KIAA2013: variants seen among roughly 807,000 people sequenced by gnomAD.
KIAA2013 encodes KIAA2013.
In KIAA2013, 20 loss-of-function variants were observed where a neutral mutation model predicts 39.9. The ratio of observed to expected loss-of-function variants is 0.50; its 90% CI spans 0.35 to 0.73. The LOEUF (loss-of-function observed/expected upper bound fraction) is 0.73, where lower values mean the gene tolerates loss of function less well. KIAA2013 is among the 30% of genes least tolerant of loss of function. The pLI is 0.01. For missense variants in KIAA2013, 587 were observed against 856.1 expected (o/e 0.69, Z 3.92); for synonymous variants, 336 against 416.6 (o/e 0.81, Z 2.35).
rs1437157976 is a variant in KIAA2013 at position 11,926,107 on chromosome 1, G to A, written c.131C>T (p.Ala44Val). 5 of 1,407,688 alleles carry A rather than the reference G, an allele frequency of 3.6e-6. No homozygotes were observed. Among genetic ancestry groups the A allele is most frequent in the East Asian group, 3.4e-5 (1 of 29,430 alleles). 87.2% of individuals were successfully genotyped at this position (1,407,688 alleles called of 1,614,324 possible). The change falls in exon 1 of 3, where the codon GCG (alanine) becomes GTG (valine). Residue 44 changes from alanine to valine, a missense_variant. Coordinates refer to ENST00000376572, the MANE Select transcript of KIAA2013 (RefSeq NM_138346.3). ...WFGGSGARRA[A>V]GGLHLLPWSR... Reference sequence around the variant, plus strand: ...CCAGGGCAGCAGGTGCAGGCCGCCCGCCGCCCGCCGCGCGCCGGACCCCCC... The same window carrying A: ...CCAGGGCAGCAGGTGCAGGCCGCCCACCGCCCGCCGCGCGCCGGACCCCCC...
rs1645482493 is a variant in KIAA2013, at chr1:11,922,800, C to T, written c.1723G>A (p.Ala575Thr). Residue 575 changes from alanine (A) to threonine (T), a missense_variant, in exon 2 of 3, where the codon GCC becomes ACC. Physicochemically the swap from Ala to Thr is moderately conservative, Grantham distance 58 (BLOSUM62 0). Transcript: ENST00000376572. ...ATGTGCTCATCATGGGCCAGGATGG[C>T]CTTGAGGTGCAGCGTGTGCCGCAGG... ...QDLRHTLHLK[A>T]ILAHDEHMAQ... is the part of the protein sequence containing the mutation. The T allele has an allele frequency of 6.2e-7, 1 of 1,613,314 alleles. No homozygotes were observed. Among genetic ancestry groups the T allele is most frequent in the South Asian group, 1.1e-5 (1 of 90,990 alleles).
In KIAA2013 at chr1:11,926,000, C is replaced by G; in HGVS notation, c.238G>C (p.Gly80Arg). Residue 80 changes from glycine (G) to arginine (R), a missense_variant, in exon 1 of 3, where the codon GGT becomes CGT. Coordinates refer to ENST00000376572, the MANE Select transcript of KIAA2013 (RefSeq NM_138346.3). The surrounding 1 kb of genome is among the most constrained non-coding windows in gnomAD (Gnocchi z 5.2). ...CCAGGACCCAGCGGTACCACCTCACCGCGCTCCCGCAGGCCGCGCCAGGCG... is the reference window on the plus strand; with the variant it reads ...CCAGGACCCAGCGGTACCACCTCACGGCGCTCCCGCAGGCCGCGCCAGGCG... ...TRAWRGLRER[G>R]EVVPLGPGVP... The G allele has an allele frequency of 6.6e-7, 1 of 1,513,280 alleles. No individual in the cohort carries two copies. The highest frequency in any genetic ancestry group is 8.8e-7 in the Non-Finnish European group (1 of 1,137,892). 93.7% of individuals were successfully genotyped at this position (1,513,280 alleles called of 1,614,324 possible). A position where few individuals can be genotyped will look rare whatever the true frequency, so the allele number is the denominator to read the frequency against.
intron 2 of KIAA2013, chr1:11,922,045 G>A (rs35584250): frequency 0.052 from 7,874 of 151,428 alleles, 219 homozygotes; most frequent in African/African-American, 0.066. Flanking sequence ...ACAAGTCCTC[G>A]TTATCCTGCC....
chr1:11,924,357 C>G (rs1241706546), intron 1 of KIAA2013, among the ~76,000 whole-genome samples: 1 of 410 alleles, frequency 2.4e-3, no homozygotes, highest in Non-Finnish European at 5.4e-3. Flanking sequence ...TCCCAAAGTG[C>G]TGGGATTACA....
chr1:11,925,691 G>A lies in KIAA2013; in HGVS notation c.547C>T (p.Arg183Cys), dbSNP rs1381464284. ...TCCTCTTGCAGCAGCACGCAGTCGCGGCCGGACCCCGCGGCAAGGCCAGAG... is the reference window on the plus strand; with the variant it reads ...TCCTCTTGCAGCAGCACGCAGTCGCAGCCGGACCCCGCGGCAAGGCCAGAG... Reference protein sequence around the residue: ...SVSGLAAGSGRDCVLLQEDFL... With the variant: ...SVSGLAAGSGCDCVLLQEDFL... Residue 183 changes from arginine to cysteine, a missense_variant, in exon 1 of 3, where the codon CGC (arginine) becomes TGC (cysteine). Coordinates refer to ENST00000376572, the MANE Select transcript of KIAA2013 (RefSeq NM_138346.3). This position sits in a 1 kb window ranked among gnomAD's most constrained non-coding sequence, Gnocchi z 5.2. The A allele has an allele frequency of 2.5e-6, 4 of 1,595,216 alleles. No individual in the cohort carries two copies. The highest frequency in any genetic ancestry group is 1.1e-5 in the South Asian group (1 of 88,940).
chr1:11,922,169 T>A (rs1336253214), intron 2 of KIAA2013: 2 of 194,474 alleles, frequency 1.0e-5, no homozygotes, highest in African/African-American at 4.7e-5. Context: ...TTTTTTTTTT[T>A]TTTTTACTTT....
At chr1:11,922,608 G>A (rs766720574) in intron 2 of KIAA2013, 28 bp downstream of exon 2, 13 of 1,609,806 alleles carry the variant, frequency 8.1e-6, no homozygotes, top group Admixed American at 5.1e-5. Flanking sequence ...CCAAGGCCTC[G>A]GGTTTCGACC....
Position 11,926,338 on chromosome 1 carries a change from G to A in KIAA2013, c.-101C>T, listed in dbSNP as rs1275845353. The A allele has an allele frequency of 6.2e-6, 3 of 481,622 alleles. No individual in the cohort carries two copies. The highest frequency in any genetic ancestry group is 2.1e-5 in the African/African-American group (1 of 47,402). 29.8% of individuals were successfully genotyped at this position (481,622 alleles called of 1,614,324 possible). A position where few individuals can be genotyped will look rare whatever the true frequency, so the allele number is the denominator to read the frequency against. On this transcript the variant is annotated 5_prime_UTR_variant, in exon 1 of 3. Transcript: ENST00000376572. The stretch of plus-strand genomic sequence containing the variant: ...CGCCTCACTGCCCGGCCCGGACCGC[G>A]GCGCCCACCCCGGCCCCCGCCGCAA...
At chr1:11,922,407 C>T in intron 2 of KIAA2013, 2 of 1,443,460 alleles carry the variant, frequency 1.4e-6, no homozygotes, top group Non-Finnish European at 1.8e-6. Context: ...GGGAGGGCTG[C>T]CCTGGAAAGC....
rs1305905207 is a variant in KIAA2013 at position 11,925,125 on chromosome 1, C to A, written c.1033+80G>T. ...AACGCCAAGCCCAAGTTTCAACCACCCCACCATCACCTTCAGTGTCACCTC... is the reference window on the plus strand; with the variant it reads ...AACGCCAAGCCCAAGTTTCAACCACACCACCATCACCTTCAGTGTCACCTC... On this transcript the variant is annotated intron_variant, in intron 1 of 2. Coordinates refer to ENST00000376572, the MANE Select transcript of KIAA2013 (RefSeq NM_138346.3). This position sits in a 1 kb window ranked among gnomAD's most constrained non-coding sequence, Gnocchi z 5.2. 3.7e-6 allele frequency: 5 copies of A among 1,347,704 alleles called. No individual in the cohort carries two copies. The allele number at this position is 1,347,704 out of a possible 1,614,324, so 83.5% of individuals were successfully genotyped here. A position where few individuals can be genotyped will look rare whatever the true frequency, so the allele number is the denominator to read the frequency against.
chr1:11,925,245 A>C lies in KIAA2013; in HGVS notation c.993T>G (p.Leu331=). 1 of 1,604,804 alleles carries C rather than the reference A, an allele frequency of 6.2e-7. No homozygotes were observed. Among genetic ancestry groups the C allele is most frequent in the Non-Finnish European group, 8.5e-7 (1 of 1,174,870 alleles). The change falls in exon 1 of 3, where the codon CTT becomes CTG. Residue 331 remains leucine (L), a synonymous_variant. Transcript: ENST00000376572. This position sits in a 1 kb window ranked among gnomAD's most constrained non-coding sequence, Gnocchi z 5.2. The stretch of plus-strand genomic sequence containing the variant: ...GAGCCCAGAGGAGCTGGTGGTCTTG[A>C]AGCAGCTCCGCCGCTGGCATGTCCA... ...ELLDMPAAEL[L]QDHQLLWAQL... is the part of the protein sequence containing the mutation.
chr1:11,925,801 T>G lies in KIAA2013; in HGVS notation c.437A>C (p.Glu146Ala), dbSNP rs762850739. The change falls in exon 1 of 3, where the codon GAG becomes GCG. Residue 146 changes from glutamate (E) to alanine (A), a missense_variant. By Grantham distance (107) the Glu-to-Ala change is moderately radical (BLOSUM62 -1). Transcript: ENST00000376572. This position sits in a 1 kb window ranked among gnomAD's most constrained non-coding sequence, Gnocchi z 5.2. ...GCAACGCACGCGGCGCAGAAGCCCCTCCCGCAGCAGCAGCACCGCCTCTCC... is the reference window on the plus strand; with the variant it reads ...GCAACGCACGCGGCGCAGAAGCCCCGCCCGCAGCAGCAGCACCGCCTCTCC... ...EAGEAVLLLR[E>A]GLLRRVRCLQ... is the part of the protein sequence containing the mutation. 4.0e-5 allele frequency: 62 copies of G among 1,542,778 alleles called. No homozygotes were observed. In the South Asian group the frequency reaches 6.2e-4, roughly 15 times the overall value.
chr1:11,925,783 A>T lies in KIAA2013; in HGVS notation c.455T>A (p.Val152Glu). The T allele has an allele frequency of 1.3e-6, 2 of 1,544,530 alleles. No homozygotes were observed. Among genetic ancestry groups the T allele is most frequent in the Non-Finnish European group, 1.7e-6 (2 of 1,152,894 alleles). The part of the protein sequence containing the change: ...LLLREGLLRR[V>E]RCLQLGSPGP... Reference sequence around the variant, plus strand: ...TGGGGACCCCAGCTGCAGGCAACGCACGCGGCGCAGAAGCCCCTCCCGCAG... The same window carrying T: ...TGGGGACCCCAGCTGCAGGCAACGCTCGCGGCGCAGAAGCCCCTCCCGCAG... Residue 152 changes from valine (V) to glutamate (E), a missense_variant, in exon 1 of 3, where the codon GTG (valine) becomes GAG (glutamate). By Grantham distance (121) the Val-to-Glu change is moderately radical. Transcript: ENST00000376572. The surrounding 1 kb of genome is among the most constrained non-coding windows in gnomAD (Gnocchi z 5.2).
intron 2 of KIAA2013, among the ~76,000 whole-genome samples, chr1:11,921,829 C>T (rs1272913985): frequency 6.6e-6 from 1 of 152,030 alleles, no homozygotes; most frequent in African/African-American, 2.4e-5. Flanking sequence ...GGATTATAGG[C>T]ATGAGCCACT....
In KIAA2013 at chr1:11,925,349, G is replaced by T. The variant is rs756105411; in HGVS notation, c.889C>A (p.Pro297Thr). 1 of 1,613,944 alleles carries T rather than the reference G, an allele frequency of 6.2e-7. No individual in the cohort carries two copies. The highest frequency in any genetic ancestry group is 1.3e-5 in the African/African-American group (1 of 75,034). The change falls in exon 1 of 3, where the codon CCC becomes ACC. Residue 297 changes from proline to threonine, a missense_variant. By Grantham distance (38) the Pro-to-Thr change is conservative (BLOSUM62 -1). Coordinates refer to ENST00000376572, the MANE Select transcript of KIAA2013 (RefSeq NM_138346.3). The surrounding 1 kb of genome is among the most constrained non-coding windows in gnomAD (Gnocchi z 5.2). Reference protein sequence around the residue: ...WVVHVSGPINPQVLKSKAAKE... With the variant: ...WVVHVSGPINTQVLKSKAAKE... The stretch of plus-strand genomic sequence containing the variant: ...GCTGCTTTGCTTTTGAGCACCTGGG[G>T]GTTAATGGGGCCAGAGACGTGCACC...
chr1:11,923,344 C>T lies in KIAA2013; in HGVS notation c.1179G>A (p.Thr393=), dbSNP rs1425657597. The change falls in exon 2 of 3, where the codon ACG becomes ACA. Residue 393 remains threonine, a synonymous_variant. Transcript: ENST00000376572. The surrounding 1 kb of genome is among the most constrained non-coding windows in gnomAD (Gnocchi z 4.6). ...TGAAGCAGTGATCTTCATAGTTGAG[C>T]GTCGACTCCATCTGGTCTCGCTCCC... ...SHRERDQMES[T]LNYEDHCFSG... 24 of 1,613,508 alleles carry T rather than the reference C, an allele frequency of 1.5e-5. No individual in the cohort carries two copies. In the East Asian group the frequency reaches 2.9e-4, roughly 19 times the overall value.
Position 11,925,477 on chromosome 1 carries a change from G to A in KIAA2013, c.761C>T (p.Thr254Met). ...FLLYSGRSPP[T>M]PTGLVHLVVV... ...CACCAGGTGCACCAACCCAGTGGGC[G>A]TAGGCGGGGACCGGCCTGAGTAGAG... The change falls in exon 1 of 3, where the codon ACG (threonine) becomes ATG (methionine). Residue 254 changes from threonine (T) to methionine (M), a missense_variant. Thr to Met is a moderately conservative substitution (Grantham distance 81, BLOSUM62 -1). Transcript: ENST00000376572. The surrounding 1 kb of genome is among the most constrained non-coding windows in gnomAD (Gnocchi z 5.2). The A allele has an allele frequency of 1.9e-6, 3 of 1,609,712 alleles. No homozygotes were observed. Among genetic ancestry groups the A allele is most frequent in the Non-Finnish European group, 1.7e-6 (2 of 1,178,056 alleles).
At position 11,923,404 on chromosome 1, in the gene KIAA2013, C is replaced by G. The variant is rs748376716; in HGVS notation, c.1119G>C (p.Ser373=). ...GGGAGGGGCTGAGCAGTGGGGCTGGCGAGCAGGAGAGCATGTAATAGAGCG... is the reference window on the plus strand; with the variant it reads ...GGGAGGGGCTGAGCAGTGGGGCTGGGGAGCAGGAGAGCATGTAATAGAGCG... The part of the protein sequence containing the change: ...NLTLYYMLSC[S]PAPLLSPSLS... Residue 373 remains serine (S), a synonymous_variant, in exon 2 of 3, where the codon TCG becomes TCC. Transcript: ENST00000376572. This position sits in a 1 kb window ranked among gnomAD's most constrained non-coding sequence, Gnocchi z 4.6. 6.2e-7 allele frequency: 1 copy of G among 1,612,398 alleles called. No homozygotes were observed. The highest frequency in any genetic ancestry group is 1.7e-5 in the Admixed American group (1 of 59,996).
intron 2 of KIAA2013, among the ~76,000 whole-genome samples, chr1:11,921,660 C>A (rs1645475446): frequency 6.6e-6 from 1 of 152,026 alleles, no homozygotes; most frequent in Non-Finnish European, 1.5e-5. Flanking sequence ...AGCAATTCTC[C>A]TGCCTCAGCC....
Sources: gnomAD v4.1 joint callset for allele counts (sites outside exome capture counted in the v4.1 genomes callset) on GRCh38, gnomAD v4.1.1 for gene constraint, Gnocchi (gnomAD v3.1) non-coding constraint, MANE v1.5 for transcripts, NCBI Gene and HGNC (gene_info 2026-07-23, HGNC 2026-07-21) for gene names.